The following SENP7 variants were observed in gnomAD, a reference collection of about 807,000 sequenced individuals.
The protein encoded by SENP7 is SUMO specific peptidase 7.
In SENP7, 64 loss-of-function variants were observed where a neutral mutation model predicts 141.2. The observed-to-expected ratio is 0.45, with a 90% CI of 0.37 to 0.56. The LOEUF (loss-of-function observed/expected upper bound fraction) is 0.56. Ranked by LOEUF, SENP7 falls within the 20% of genes least tolerant of loss-of-function variation. SENP7 has a pLI of 0.00. For synonymous variants in SENP7, 382 were observed against 426.4 expected, an observed-to-expected ratio of 0.90 and a Z score of 1.28; for missense variants, 1,025 against 1,212.2, an observed-to-expected ratio of 0.85 and a Z score of 2.29.
Position 101,417,599 on chromosome 3 carries a change from G to T in SENP7, c.476C>A (p.Ser159Tyr), listed in dbSNP as rs1559794695. Residue 159 changes from serine to tyrosine, a missense_variant, in exon 5 of 24, where the codon TCT becomes TAT. By Grantham distance (144) the Ser-to-Tyr change is moderately radical. Coordinates refer to ENST00000394095, the MANE Select transcript of SENP7 (RefSeq NM_020654.5). ...LEPLRQSLNLSERIPRVILTN... is the reference protein window; with the variant it reads ...LEPLRQSLNLYERIPRVILTN... The stretch of plus-strand genomic sequence containing the variant: ...TCAATACTGAACAACATACCTTTCA[G>T]ATAAATTAAGGCTTTGGCGAAGAGG... The T allele has an allele frequency of 6.2e-7, 1 of 1,611,844 alleles. No individual in the cohort carries two copies. The highest frequency in any genetic ancestry group is 1.3e-5 in the African/African-American group (1 of 74,960).
intron 14 of SENP7, 76 bp downstream of exon 14, chr3:101,343,610 A>G (rs781367179): frequency 4.9e-6 from 7 of 1,427,398 alleles, no homozygotes; most frequent in Non-Finnish European, 4.7e-6. Flanking sequence ...TAGCATTTGA[A>G]AGCAGCCTAA....
At chr3:101,474,250 GA>G (rs1225469361) in intron 3 of SENP7, among the ~76,000 whole-genome samples, 2 of 152,148 alleles carry the variant, frequency 1.3e-5, no homozygotes, top group Non-Finnish European at 2.9e-5. Flanking sequence ...AGTTTCATAA[GA>G]ATAGCATTAA....
intron 4 of SENP7, among the ~76,000 whole-genome samples, chr3:101,450,665 C>T (rs931155776): frequency 2.0e-5 from 3 of 152,068 alleles, no homozygotes; most frequent in Non-Finnish European, 2.9e-5. Flanking sequence ...TTGAAACCAA[C>T]GAGGACAAAG....
At chr3:101,458,146 T>C (rs1182539411) in intron 4 of SENP7, among the ~76,000 whole-genome samples, 1 of 152,156 alleles carries the variant, frequency 6.6e-6, no homozygotes, top group African/African-American at 2.4e-5. Context: ...GGTAATAATG[T>C]CAAAAGGCTC....
chr3:101,423,330 T>C (rs1034715811), intron 4 of SENP7, among the ~76,000 whole-genome samples: 2 of 152,042 alleles, frequency 1.3e-5, no homozygotes, highest in Non-Finnish European at 2.9e-5. Flanking sequence ...ATCAAGGAAA[T>C]GCAATTAAAA....
At chr3:101,400,095 C>T (rs1039831165) in intron 5 of SENP7, among the ~76,000 whole-genome samples, 4 of 152,174 alleles carry the variant, frequency 2.6e-5, no homozygotes, top group Non-Finnish European at 5.9e-5. Context: ...TTATTATGAA[C>T]ATTACTTTGC....
Position 101,453,007 on chromosome 3 carries a change from A to G in SENP7, c.284+5948T>C, listed in dbSNP as rs1412851698. Among the ~76,000 whole-genome samples, 3 of 152,176 alleles carry G rather than the reference A, an allele frequency of 2.0e-5. No individual in the cohort carries two copies. In the East Asian group the frequency reaches 5.8e-4, roughly 29 times the overall value. On this transcript the variant is annotated intron_variant, in intron 4 of 23. Transcript: ENST00000394095. ...TATCCAGAATCTACAATAAACTCAAACAAATTTATAAGAAAAAAACAAACA... is the reference window on the plus strand; with the variant it reads ...TATCCAGAATCTACAATAAACTCAAGCAAATTTATAAGAAAAAAACAAACA...
At chr3:101,375,831 T>C (rs1297876716) in intron 6 of SENP7, among the ~76,000 whole-genome samples, 1 of 152,212 alleles carries the variant, frequency 6.6e-6, no homozygotes, top group East Asian at 1.9e-4. Flanking sequence ...TGAATGAACT[T>C]TGAACACATT....
intron 5 of SENP7, among the ~76,000 whole-genome samples, chr3:101,406,693 G>A (rs1434135092): frequency 1.3e-5 from 2 of 152,014 alleles, no homozygotes; most frequent in Admixed American, 6.5e-5. Context: ...TAGAGACCTA[G>A]ACATCCAAAT....
chr3:101,439,802 GC>G (rs2062576754), intron 4 of SENP7, among the ~76,000 whole-genome samples: 1 of 14,946 alleles, frequency 6.7e-5, no homozygotes, highest in Admixed American at 3.0e-4. Flanking sequence ...CCGGCCAGCC[GC>G]CCCGTCTGGG....
chr3:101,336,664 A>G (rs72938074), intron 17 of SENP7, among the ~76,000 whole-genome samples: 2 of 152,218 alleles, frequency 1.3e-5, no homozygotes, highest in Non-Finnish European at 2.9e-5. Context: ...TTAAAATAAC[A>G]ATAACTCAGC....
chr3:101,342,703 T>C (rs1158433832), intron 14 of SENP7, among the ~76,000 whole-genome samples: 4 of 151,800 alleles, frequency 2.6e-5, no homozygotes, highest in Non-Finnish European at 2.9e-5. Context: ...AGTCTCACTC[T>C]GTAGCCAGGC....
intron 4 of SENP7, among the ~76,000 whole-genome samples, chr3:101,427,255 G>A (rs533163819): frequency 6.6e-5 from 10 of 152,210 alleles, no homozygotes; most frequent in East Asian, 1.9e-4. Flanking sequence ...TGGGGAGACC[G>A]AGGCAAGAGG....
chr3:101,451,197 C>T (rs2063120542), intron 4 of SENP7, among the ~76,000 whole-genome samples: 1 of 152,166 alleles, frequency 6.6e-6, no homozygotes, highest in African/African-American at 2.4e-5. Flanking sequence ...AGACCAATAA[C>T]AGGTTCTGAA....
intron 16 of SENP7, among the ~76,000 whole-genome samples, chr3:101,339,732 A>G (rs1013743877): frequency 1.3e-4 from 20 of 152,144 alleles, no homozygotes; most frequent in African/African-American, 4.6e-4. Context: ...CAAAAAAAAA[A>G]AGATACAACA....
At chr3:101,428,093 T>A (rs1223060761) in intron 4 of SENP7, among the ~76,000 whole-genome samples, 1 of 152,234 alleles carries the variant, frequency 6.6e-6, no homozygotes, top group African/African-American at 2.4e-5. Flanking sequence ...ATCCAGTCTA[T>A]CATTGATGGG....
intron 11 of SENP7, chr3:101,359,336 T>C (rs1057142537): frequency 6.6e-6 from 1 of 151,324 alleles, no homozygotes; most frequent in African/African-American, 2.4e-5. Context: ...GTTTATCAGC[T>C]GAAAGAGCTT....
In SENP7 at chr3:101,508,047, CAAAAAAAAA is replaced by C. The variant is rs61638290; in HGVS notation, c.40+5035_40+5043del. Among the ~76,000 whole-genome samples the C allele has an allele frequency of 1.8e-4, 16 of 90,134 alleles. No homozygotes were observed. The Admixed American group carries it at 1.9e-3, about 11-fold the overall frequency. 59.1% of individuals were successfully genotyped at this position (90,134 alleles called of 152,430 possible). ...CTGGCGACAGAGCGAGACTCCATCTCAAAAAAAAAAAAAAAAAAAAAAATTGGATATATT... is the reference window on the plus strand; with the variant it reads ...CTGGCGACAGAGCGAGACTCCATCTCAAAAAAAAAAAAAATTGGATATATT... On this transcript the variant is annotated intron_variant, in intron 1 of 23. Coordinates refer to ENST00000394095, the MANE Select transcript of SENP7 (RefSeq NM_020654.5).
chr3:101,485,977 A>G (rs2064710729), intron 3 of SENP7, among the ~76,000 whole-genome samples: 1 of 152,216 alleles, frequency 6.6e-6, no homozygotes, highest in Admixed American at 6.5e-5. Context: ...TGCTCTGGAA[A>G]GTCTCAGCAA....
Sources: allele counts gnomAD v4.1 joint callset (sites outside exome capture counted in the v4.1 genomes callset), GRCh38; gene constraint gnomAD v4.1.1; transcripts MANE v1.5; gene names NCBI Gene and HGNC (gene_info 2026-07-23, HGNC 2026-07-21).